Variants in SLC24A2 observed in about 807,000 individuals in gnomAD.
SLC24A2 encodes the protein solute carrier family 24 member 2.
Under a neutral mutation model 62.0 loss-of-function variants are expected in SLC24A2, and 36 were observed. The ratio of observed to expected loss-of-function variants is 0.58; its 90% CI spans 0.44 to 0.77. SLC24A2 has a LOEUF of 0.77. Among genes scored for constraint, SLC24A2 ranks in the 30% least tolerant of loss-of-function variants. SLC24A2 has a pLI of 0.00. For missense variants in SLC24A2, 846 were observed against 817.9 expected, an observed-to-expected ratio of 1.03 and a Z score of -0.42; for synonymous variants, 358 against 294.0, an observed-to-expected ratio of 1.22 and a Z score of -2.23.
chr9:19,517,124 A>G (rs1423562714), intron 10 of SLC24A2, among the ~76,000 whole-genome samples: 2 of 152,140 alleles, frequency 1.3e-5, no homozygotes, highest in Admixed American at 6.5e-5. Context: ...TGTGTTTCCT[A>G]TCGAGAGTGG....
the SLC24A2 span, among the ~76,000 whole-genome samples, chr9:20,026,270 C>T: frequency 1.3e-5 from 2 of 152,176 alleles, no homozygotes; most frequent in Non-Finnish European, 2.9e-5. Context: ...CATTTAAAGT[C>T]ATTCAAATTT....
At chr9:19,658,830 GTT>G (rs1326432878) in intron 2 of SLC24A2, among the ~76,000 whole-genome samples, 1 of 152,098 alleles carries the variant, frequency 6.6e-6, no homozygotes, top group Non-Finnish European at 1.5e-5. Context: ...CCAAGGGCTG[GTT>G]TCTCTCCCCA....
chr9:19,578,320 TTTA>T (rs1178386397), intron 5 of SLC24A2, among the ~76,000 whole-genome samples: 2 of 150,354 alleles, frequency 1.3e-5, no homozygotes, highest in African/African-American at 2.5e-5. Flanking sequence ...TCATTTCTTC[TTTA>T]TTATTGACAT....
the SLC24A2 span, among the ~76,000 whole-genome samples, chr9:19,917,754 C>T: frequency 8.5e-5 from 13 of 152,090 alleles, no homozygotes; most frequent in African/African-American, 1.2e-4. Context: ...TCAGTAGATG[C>T]TTTGGAGTTT....
chr9:19,909,461 C>T, the SLC24A2 span, among the ~76,000 whole-genome samples: 10 of 151,786 alleles, frequency 6.6e-5, no homozygotes, highest in Non-Finnish European at 1.2e-4. Context: ...TGCACATGTA[C>T]CCTAAAACTT....
At chr9:19,902,166 A>G in the SLC24A2 span, among the ~76,000 whole-genome samples, 3 of 152,270 alleles carry the variant, frequency 2.0e-5, no homozygotes, top group South Asian at 6.2e-4. Flanking sequence ...CTAAACTGCA[A>G]AAAGGGAAGG....
At chr9:19,818,386 A>C in the SLC24A2 span, among the ~76,000 whole-genome samples, 2 of 152,220 alleles carry the variant, frequency 1.3e-5, no homozygotes, top group East Asian at 3.9e-4. Flanking sequence ...ATGAATTCAA[A>C]ATAAAGAGTT....
chr9:19,711,169 A>T (rs1428769183), intron 2 of SLC24A2, among the ~76,000 whole-genome samples: 1 of 152,178 alleles, frequency 6.6e-6, no homozygotes, highest in African/African-American at 2.4e-5. Context: ...TTTTCATAAC[A>T]ATTCTAAGAT....
intron 3 of SLC24A2, among the ~76,000 whole-genome samples, chr9:19,620,970 AAATACATATTG>A (rs1817894783): frequency 6.6e-6 from 1 of 152,090 alleles, no homozygotes; most frequent in Admixed American, 6.6e-5. Flanking sequence ...CCCCATGATC[AAATACATATTG>A]GATATATATT....
chr9:20,214,344 T>C, the SLC24A2 span, among the ~76,000 whole-genome samples: 6 of 152,182 alleles, frequency 3.9e-5, no homozygotes, highest in African/African-American at 1.4e-4. Context: ...CCAGACACAG[T>C]GGCTCACACC....
At chr9:20,066,150 T>A in the SLC24A2 span, among the ~76,000 whole-genome samples, 1 of 152,188 alleles carries the variant, frequency 6.6e-6, no homozygotes, top group Admixed American at 6.5e-5. Context: ...GGGAGGAGGA[T>A]CATTGCCTTT....
At chr9:19,999,291 T>C in the SLC24A2 span, among the ~76,000 whole-genome samples, 8 of 152,350 alleles carry the variant, frequency 5.3e-5, no homozygotes, top group Non-Finnish European at 1.2e-4. Context: ...GGTTCCTGTA[T>C]TGAAAACCAC....
the SLC24A2 span, among the ~76,000 whole-genome samples, chr9:19,910,611 G>A: frequency 6.6e-6 from 1 of 152,036 alleles, no homozygotes; most frequent in Non-Finnish European, 1.5e-5. Flanking sequence ...TCCACATATA[G>A]CATGCTTGGT....
chr9:19,552,574 A>ATGG (rs1255957095), intron 7 of SLC24A2, among the ~76,000 whole-genome samples: 30 of 151,980 alleles, frequency 2.0e-4, no homozygotes, highest in Non-Finnish European at 3.5e-4. Flanking sequence ...CAAGCTGATG[A>ATGG]GTTCATTAAG....
chr9:20,019,000 G>C, the SLC24A2 span, among the ~76,000 whole-genome samples: 1 of 151,390 alleles, frequency 6.6e-6, no homozygotes, highest in Non-Finnish European at 1.5e-5. Flanking sequence ...AGAGACAGAG[G>C]TTGAGTGAGC....
the SLC24A2 span, among the ~76,000 whole-genome samples, chr9:20,260,525 CATTTTATAG>C: frequency 1.3e-5 from 2 of 152,210 alleles, no homozygotes; most frequent in Non-Finnish European, 2.9e-5. Flanking sequence ...TTTTCAATTT[CATTTTATAG>C]AAATCCATAT....
chr9:19,575,351 G>C (rs572894339), intron 6 of SLC24A2, among the ~76,000 whole-genome samples: 98 of 152,216 alleles, frequency 6.4e-4, no homozygotes, highest in African/African-American at 2.3e-3. Context: ...AAAACCTTAG[G>C]ATTAGCCTGC....
At chr9:19,918,903 A>C in the SLC24A2 span, among the ~76,000 whole-genome samples, 1 of 152,222 alleles carries the variant, frequency 6.6e-6, no homozygotes, top group East Asian at 1.9e-4. Context: ...TGCAACCACC[A>C]CATAGAAGGT....
At chr9:19,621,775 C>A (rs184931165) in intron 3 of SLC24A2, among the ~76,000 whole-genome samples, 8 of 151,930 alleles carry the variant, frequency 5.3e-5, no homozygotes, top group African/African-American at 1.9e-4. Context: ...AAGATTACAT[C>A]TAGAGAAGTA....
Sources: gnomAD v4.1 joint callset for allele counts (sites outside exome capture counted in the v4.1 genomes callset) on GRCh38, gnomAD v4.1.1 for gene constraint, MANE v1.5 for transcripts, NCBI Gene and HGNC (gene_info 2026-07-23, HGNC 2026-07-21) for gene names.